DAGLB: variants seen among roughly 807,000 people sequenced by gnomAD.
DAGLB encodes the protein diacylglycerol lipase-beta.
In DAGLB, 66 loss-of-function variants were observed where a neutral mutation model predicts 72.1. The observed-to-expected ratio is 0.92, with a 90% CI of 0.75 to 1.12. DAGLB has a LOEUF of 1.12. Ranked by LOEUF, DAGLB falls within the 50% of genes most tolerant of loss-of-function variation. The pLI, the probability that DAGLB is intolerant of heterozygous loss-of-function variation, is 0.00. For missense variants in DAGLB, 1,065 were observed against 884.9 expected, an observed-to-expected ratio of 1.20 and a Z score of -2.58; for synonymous variants, 414 against 359.5, an observed-to-expected ratio of 1.15 and a Z score of -1.71.
chr7:6,421,318 G>A (rs1369282521), intron 9 of DAGLB, among the ~76,000 whole-genome samples: 8 of 133,410 alleles, frequency 6.0e-5, no homozygotes, highest in African/African-American at 1.5e-4. Flanking sequence ...CAGGCAGCGC[G>A]GGAGGCGCAG....
At chr7:6,416,985 A>T in intron 9 of DAGLB, 64 bp from the exon 10 acceptor site, 1 of 1,564,776 alleles carries the variant, frequency 6.4e-7, no homozygotes, top group Non-Finnish European at 8.8e-7. Context: ...GCAGAGACTC[A>T]AAGATGGGAT....
At chr7:6,443,391 T>C (rs1248789484) in intron 2 of DAGLB, among the ~76,000 whole-genome samples, 3 of 152,026 alleles carry the variant, frequency 2.0e-5, no homozygotes, top group Non-Finnish European at 4.4e-5. Context: ...CAGAGGTTGG[T>C]TGCAGTGAGC....
intron 2 of DAGLB, among the ~76,000 whole-genome samples, chr7:6,440,614 C>T (rs1339946773): frequency 1.3e-5 from 2 of 151,396 alleles, no homozygotes; most frequent in Non-Finnish European, 2.9e-5. Flanking sequence ...TTAGCTATGT[C>T]GGCCGGGTGC....
chr7:6,432,644 A>G (rs1784520065), intron 5 of DAGLB, among the ~76,000 whole-genome samples, 193 bp downstream of exon 5: 1 of 132,112 alleles, frequency 7.6e-6, no homozygotes, highest in East Asian at 2.5e-4. Context: ...TGGGCGACAG[A>G]GCGAGACTCC....
chr7:6,418,720 A>C (rs1583284553), intron 9 of DAGLB, among the ~76,000 whole-genome samples: 1 of 151,290 alleles, frequency 6.6e-6, no homozygotes, highest in African/African-American at 2.4e-5. Flanking sequence ...GCTGGAGTTC[A>C]GTGGCTCGAT....
chr7:6,425,260 T>C (rs1305585284), intron 7 of DAGLB, among the ~76,000 whole-genome samples: 1 of 151,618 alleles, frequency 6.6e-6, no homozygotes, highest in African/African-American at 2.4e-5. Flanking sequence ...CACGCAGCAC[T>C]GCAGCCATGC....
In DAGLB at chr7:6,436,448, C is replaced by A. The variant is rs1045978704; in HGVS notation, c.333G>T (p.Trp111Cys). The A allele has an allele frequency of 6.2e-7, 1 of 1,613,986 alleles. No individual in the cohort carries two copies. The highest frequency in any genetic ancestry group is 8.5e-7 in the Non-Finnish European group (1 of 1,180,036). ...CCACCCAGGCAGCCCCCAGAGAGGCCCAGACCATCTCTGGAAAAAACAGCG... is the reference window on the plus strand; with the variant it reads ...CCACCCAGGCAGCCCCCAGAGAGGCACAGACCATCTCTGGAAAAAACAGCG... ...RLALFFPEMV[W>C]ASLGAAWVAD... Residue 111 changes from tryptophan (W) to cysteine (C), a missense_variant, in exon 3 of 15, where the codon TGG (tryptophan) becomes TGT (cysteine). Physicochemically the swap from Trp to Cys is radical, Grantham distance 215. Coordinates refer to ENST00000297056, the MANE Select transcript of DAGLB (RefSeq NM_139179.4).
At chr7:6,433,892 A>T (rs1262906378) in intron 4 of DAGLB, among the ~76,000 whole-genome samples, 1 of 151,422 alleles carries the variant, frequency 6.6e-6, no homozygotes, top group Non-Finnish European at 1.5e-5. Context: ...CCACTCAGCC[A>T]CTGAGCCATC....
intron 6 of DAGLB, among the ~76,000 whole-genome samples, chr7:6,426,896 T>G (rs923130361): frequency 6.6e-6 from 1 of 152,058 alleles, no homozygotes; most frequent in Non-Finnish European, 1.5e-5. Context: ...TCACCTGAAG[T>G]CAGGAGTTCG....
chr7:6,437,400 T>C (rs1401379354), intron 2 of DAGLB, among the ~76,000 whole-genome samples: 1 of 152,104 alleles, frequency 6.6e-6, no homozygotes. Flanking sequence ...ATTTTACGTA[T>C]GAGCAAGCAA....
At chr7:6,433,314 G>A (rs954241487) in intron 4 of DAGLB, among the ~76,000 whole-genome samples, 4 of 152,098 alleles carry the variant, frequency 2.6e-5, no homozygotes, top group Admixed American at 6.6e-5. Flanking sequence ...TTTAGCCCAC[G>A]TTTATACTCT....
At chr7:6,430,302 GGAGA>G (rs749575853) in intron 6 of DAGLB, among the ~76,000 whole-genome samples, 174 bp downstream of exon 6, 18 of 105,450 alleles carry the variant, frequency 1.7e-4, no homozygotes, top group East Asian at 3.3e-4. Context: ...AGGGAGGGAG[GGAGA>G]GAGAGAGAGA....
At chr7:6,427,391 A>T (rs1784347480) in intron 6 of DAGLB, among the ~76,000 whole-genome samples, 2 of 152,174 alleles carry the variant, frequency 1.3e-5, no homozygotes, top group African/African-American at 4.8e-5. Context: ...GACACCCATG[A>T]TGCCAGCACT....
At chr7:6,432,997 G>A in intron 4 of DAGLB, 38 bp from the exon 5 acceptor site, 1 of 1,602,102 alleles carries the variant, frequency 6.2e-7, no homozygotes. Context: ...ATAAAACCCA[G>A]CAGGCACCAC....
chr7:6,416,745 G>C lies in DAGLB; in HGVS notation c.1309C>G (p.Leu437Val). The change falls in exon 11 of 15, where the codon CTG becomes GTG. Residue 437 changes from leucine (L) to valine (V), a missense_variant. Physicochemically the swap from Leu to Val is conservative, Grantham distance 32. Coordinates refer to ENST00000297056, the MANE Select transcript of DAGLB (RefSeq NM_139179.4). ...QAFSIAPEYR[L>V]VIVGHSLGGG... Reference sequence around the variant, plus strand: ...CCGAGGCTGTGGCCCACTATGACCAGCCGGTACTCCTAGAGGACAGACAGC... The same window carrying C: ...CCGAGGCTGTGGCCCACTATGACCACCCGGTACTCCTAGAGGACAGACAGC... The C allele has an allele frequency of 6.2e-7, 1 of 1,613,776 alleles. No individual in the cohort carries two copies. The highest frequency in any genetic ancestry group is 8.5e-7 in the Non-Finnish European group (1 of 1,179,836).
At chr7:6,440,449 G>A (rs1341220295) in intron 2 of DAGLB, among the ~76,000 whole-genome samples, 1 of 152,028 alleles carries the variant, frequency 6.6e-6, no homozygotes, top group African/African-American at 2.4e-5. Flanking sequence ...CTTCTGGATG[G>A]AGAGGACTGA....
At chr7:6,435,253 C>T (rs1308259010) in intron 3 of DAGLB, among the ~76,000 whole-genome samples, 2 of 152,006 alleles carry the variant, frequency 1.3e-5, no homozygotes, top group East Asian at 1.9e-4. Flanking sequence ...TTTGGGAGGC[C>T]GAGGCCGGCA....
Position 6,444,399 on chromosome 7 carries a change from C to A in DAGLB, c.247+1554G>T, listed in dbSNP as rs143662490. ...GGTGGATCACGTGAGGTCAGGAGAT[C>A]GAGACAAGCCTGACCAACATGGTAA... On this transcript the variant is annotated intron_variant, in intron 2 of 14. Coordinates refer to ENST00000297056, the MANE Select transcript of DAGLB (RefSeq NM_139179.4). Among the ~76,000 whole-genome samples the A allele has an allele frequency of 1.1e-3, 164 of 152,158 alleles. 1 individual carries two copies. In the East Asian group the frequency reaches 0.028, roughly 26 times the overall value.
chr7:6,447,023 G>C (rs1413787660), intron 1 of DAGLB, among the ~76,000 whole-genome samples: 2 of 152,082 alleles, frequency 1.3e-5, no homozygotes, highest in African/African-American at 4.8e-5. Context: ...AAAATAAAAA[G>C]AAAAGGGGTC....
Sources: gnomAD v4.1 joint callset for allele counts (sites outside exome capture counted in the v4.1 genomes callset) on GRCh38, gnomAD v4.1.1 for gene constraint, MANE v1.5 for transcripts, NCBI Gene and HGNC (gene_info 2026-07-23, HGNC 2026-07-21) for gene names.